SLC7A1: variants seen among roughly 807,000 people sequenced by gnomAD.
SLC7A1 encodes the protein solute carrier family 7 member 1, also known as high affinity cationic amino acid transporter 1.
In SLC7A1, 10 loss-of-function variants were observed where a neutral mutation model predicts 53.9. That is an observed-to-expected ratio of 0.19 (90% CI 0.11 to 0.31). The LOEUF (loss-of-function observed/expected upper bound fraction) is 0.31. SLC7A1 is among the 10% of genes least tolerant of loss of function. The pLI is 1.00. For missense variants in SLC7A1, 525 were observed against 827.2 expected (o/e 0.63, Z 4.48); for synonymous variants, 342 against 338.7 (o/e 1.01, Z -0.11).
intron 1 of SLC7A1, among the ~76,000 whole-genome samples, chr13:29,578,562 C>T (rs907368550): frequency 1.3e-5 from 2 of 152,210 alleles, no homozygotes; most frequent in Admixed American, 1.3e-4. Flanking sequence ...GCCCAGAGCC[C>T]AGCCGTGGTT....
chr13:29,555,562 G>C (rs983699912), intron 1 of SLC7A1, among the ~76,000 whole-genome samples: 13 of 151,228 alleles, frequency 8.6e-5, no homozygotes, highest in Admixed American at 2.0e-4. Flanking sequence ...GATAAAGTCA[G>C]GCTCACAGCC....
chr13:29,562,615 GGCCAACTAACATAT>G (rs1209883687), intron 1 of SLC7A1, among the ~76,000 whole-genome samples: 1 of 152,154 alleles, frequency 6.6e-6, no homozygotes, highest in East Asian at 1.9e-4. Context: ...GACTGAACCT[GGCCAACTAACATAT>G]GCATTACCTC....
At chr13:29,576,343 G>A (rs1871413574) in intron 1 of SLC7A1, among the ~76,000 whole-genome samples, 1 of 145,200 alleles carries the variant, frequency 6.9e-6, no homozygotes, top group Non-Finnish European at 1.5e-5. Flanking sequence ...GCTTCCTGCA[G>A]GTAGGAAGAA....
chr13:29,541,776 GA>G (rs966877032), intron 2 of SLC7A1, among the ~76,000 whole-genome samples: 14 of 150,388 alleles, frequency 9.3e-5, no homozygotes, highest in Non-Finnish European at 2.1e-4. Context: ...CCAAGAGTAG[GA>G]AAAATTATGA....
chr13:29,575,724 G>C (rs1871382202), intron 1 of SLC7A1, among the ~76,000 whole-genome samples: 1 of 152,102 alleles, frequency 6.6e-6, no homozygotes. Context: ...AAAAAGTTTA[G>C]ATTCCAAATG....
At chr13:29,539,263 A>G (rs534078447) in intron 2 of SLC7A1, among the ~76,000 whole-genome samples, 1 of 152,290 alleles carries the variant, frequency 6.6e-6, no homozygotes, top group African/African-American at 2.4e-5. Context: ...AGCGCACCAG[A>G]GCCCAGACAC....
intron 1 of SLC7A1, among the ~76,000 whole-genome samples, chr13:29,568,945 A>T (rs1181311345): frequency 3.3e-5 from 5 of 152,192 alleles, no homozygotes; most frequent in African/African-American, 1.2e-4. Flanking sequence ...AAGGAAGATT[A>T]CCCAACAAGC....
Position 29,571,706 on chromosome 13 carries a change from G to A in SLC7A1, c.-114-17846C>T, listed in dbSNP as rs74042339. On this transcript the variant is annotated intron_variant, in intron 1 of 12. Coordinates refer to ENST00000380752, the MANE Select transcript of SLC7A1 (RefSeq NM_003045.5). ...AATTTCTTCCACTCTGAACTCAGGC[G>A]GAAAAGGATTGCCCAGTCCAGAGCC... Among the ~76,000 whole-genome samples the A allele has an allele frequency of 2.3e-3, 356 of 152,368 alleles. 1 individual carries two copies. Among genetic ancestry groups the A allele is most frequent in the African/African-American group, 8.3e-3 (345 of 41,592 alleles).
intron 3 of SLC7A1, among the ~76,000 whole-genome samples, chr13:29,534,593 C>A (rs1255949744): frequency 6.6e-6 from 1 of 152,148 alleles, no homozygotes; most frequent in Non-Finnish European, 1.5e-5. Flanking sequence ...TGTGTGCCCT[C>A]CCCCAGCTGT....
intron 1 of SLC7A1, among the ~76,000 whole-genome samples, chr13:29,585,717 G>A (rs1324797801): frequency 1.3e-5 from 2 of 152,132 alleles, no homozygotes; most frequent in African/African-American, 4.8e-5. Context: ...AGCCAACAGG[G>A]CTCTGAATCC....
At chr13:29,574,006 C>T (rs1043750850) in intron 1 of SLC7A1, among the ~76,000 whole-genome samples, 3 of 152,194 alleles carry the variant, frequency 2.0e-5, no homozygotes, top group Non-Finnish European at 2.9e-5. Flanking sequence ...ACAAAGAAAG[C>T]CTCCTTCAAC....
chr13:29,560,894 G>A (rs556318388), intron 1 of SLC7A1, among the ~76,000 whole-genome samples: 3 of 152,186 alleles, frequency 2.0e-5, no homozygotes, highest in Non-Finnish European at 4.4e-5. Context: ...CCCACTGAAC[G>A]ATTTATAAAT....
chr13:29,581,828 A>G (rs1232314140), intron 1 of SLC7A1, among the ~76,000 whole-genome samples: 3 of 152,084 alleles, frequency 2.0e-5, no homozygotes, highest in African/African-American at 7.2e-5. Flanking sequence ...TCCTTCGCCC[A>G]TTTCACCACC....
At chr13:29,516,415 G>A (rs951083059) in intron 11 of SLC7A1, among the ~76,000 whole-genome samples, 169 bp from the exon 12 acceptor site, 1 of 152,026 alleles carries the variant, frequency 6.6e-6, no homozygotes, top group Non-Finnish European at 1.5e-5. Context: ...CACACAGCCC[G>A]CACCCAAACA....
intron 1 of SLC7A1, among the ~76,000 whole-genome samples, chr13:29,592,728 A>G (rs979718731): frequency 6.6e-6 from 1 of 151,928 alleles, no homozygotes; most frequent in Non-Finnish European, 1.5e-5. Context: ...TGAAGCTACT[A>G]CTCTGTTCCC....
intron 5 of SLC7A1, among the ~76,000 whole-genome samples, chr13:29,525,353 CCT>C (rs1038291281): frequency 1.2e-4 from 19 of 152,346 alleles, no homozygotes; most frequent in Admixed American, 2.0e-4. Context: ...TCACCACCCA[CCT>C]CTGTTGCCCC....
intron 1 of SLC7A1, among the ~76,000 whole-genome samples, chr13:29,562,578 G>C (rs2139153766): frequency 6.6e-6 from 1 of 152,286 alleles, no homozygotes; most frequent in East Asian, 1.9e-4. Flanking sequence ...TTTGGATAAG[G>C]TATCCTCAAC....
At chr13:29,533,657 A>G (rs1455901414) in intron 3 of SLC7A1, among the ~76,000 whole-genome samples, 1 of 152,186 alleles carries the variant, frequency 6.6e-6, no homozygotes, top group Non-Finnish European at 1.5e-5. Flanking sequence ...GACAGACCCC[A>G]GCCCTCCTCG....
chr13:29,580,391 T>C (rs530071420), intron 1 of SLC7A1, among the ~76,000 whole-genome samples: 4 of 152,110 alleles, frequency 2.6e-5, no homozygotes, highest in African/African-American at 9.6e-5. Context: ...TCTGCTTTTC[T>C]ACATTTATTT....
Sources: gnomAD v4.1 joint callset for allele counts (sites outside exome capture counted in the v4.1 genomes callset) on GRCh38, gnomAD v4.1.1 for gene constraint, MANE v1.5 for transcripts, NCBI Gene and HGNC (gene_info 2026-07-23, HGNC 2026-07-21) for gene names.